Variants in LMNTD1 observed in about 807,000 individuals in gnomAD.
The protein encoded by LMNTD1 is lamin tail domain containing 1, also known as lamin tail domain-containing protein 1.
Under a neutral mutation model 50.9 loss-of-function variants are expected in LMNTD1, and 35 were observed. The observed-to-expected ratio is 0.69, with a 90% CI of 0.53 to 0.91. The LOEUF (loss-of-function observed/expected upper bound fraction) is 0.91, where lower values mean the gene tolerates loss of function less well. LMNTD1 is among the 40% of genes least tolerant of loss of function. The probability of loss-of-function intolerance (pLI) is 0.00; values close to 1 mark genes in which losing one functional copy is unlikely to be tolerated. For synonymous variants in LMNTD1, 153 were observed against 161.9 expected (o/e 0.94, Z 0.42); for missense variants, 470 against 475.5 (o/e 0.99, Z 0.11).
chr12:25,553,009 C>A lies in LMNTD1; in HGVS notation c.-30-20G>T. ...TCTTTCCTAGGAAAGCAGATCATGA[C>A]ATCAGATGACGAATATGGCTGAGGT... On this transcript the variant is annotated intron_variant, in intron 1 of 9. Transcript: ENST00000458174. The A allele has an allele frequency of 6.2e-7, 1 of 1,606,270 alleles. No individual in the cohort carries two copies. Among genetic ancestry groups the A allele is most frequent in the Non-Finnish European group, 8.5e-7 (1 of 1,173,090 alleles).
At chr12:25,493,252 A>G (rs1442793687) in intron 9 of LMNTD1, among the ~76,000 whole-genome samples, 1 of 152,196 alleles carries the variant, frequency 6.6e-6, no homozygotes, top group African/African-American at 2.4e-5. Flanking sequence ...AGATGCTCAA[A>G]AAATATCTGA....
At chr12:25,562,850 T>C (rs951275140) in intron 1 of LMNTD1, among the ~76,000 whole-genome samples, 1 of 152,130 alleles carries the variant, frequency 6.6e-6, no homozygotes, top group Non-Finnish European at 1.5e-5. Flanking sequence ...TACTCTTTTT[T>C]CTCTAAACTT....
At chr12:25,532,782 G>A (rs1591933631) in intron 4 of LMNTD1, among the ~76,000 whole-genome samples, 1 of 152,096 alleles carries the variant, frequency 6.6e-6, no homozygotes, top group South Asian at 2.1e-4. Flanking sequence ...TTTGGATGTA[G>A]CATTTTACTC....
chr12:25,544,911 G>T (rs895831110), intron 4 of LMNTD1, among the ~76,000 whole-genome samples: 5 of 151,626 alleles, frequency 3.3e-5, no homozygotes, highest in Non-Finnish European at 7.4e-5. Flanking sequence ...CTCAATTTAC[G>T]TATTTTTATA....
intron 8 of LMNTD1, among the ~76,000 whole-genome samples, chr12:25,508,738 G>T (rs151116085): frequency 1.3e-5 from 2 of 152,256 alleles, no homozygotes; most frequent in Admixed American, 1.3e-4. Flanking sequence ...ATGTTGAATA[G>T]AAGTCATCAT....
At position 25,481,233 on chromosome 12, in the gene LMNTD1, A is replaced by G. The variant is rs187330621; in HGVS notation, c.*23-4773T>C. On this transcript the variant is annotated intron_variant, in intron 9 of 9. Transcript: ENST00000458174. ...AAACCTCCTTCAGCAGTTCCTTATC[A>G]TCCTTCTCGGTTTATTTTCCAGCAT... Among the ~76,000 whole-genome samples the G allele has an allele frequency of 6.1e-4, 92 of 151,846 alleles. 1 individual carries two copies. Among genetic ancestry groups the G allele is most frequent in the African/African-American group, 2.1e-3 (85 of 41,262 alleles).
chr12:25,565,934 G>A (rs1944539614), intron 1 of LMNTD1, among the ~76,000 whole-genome samples: 1 of 152,164 alleles, frequency 6.6e-6, no homozygotes, highest in Non-Finnish European at 1.5e-5. Flanking sequence ...ATCCTGGCCT[G>A]TAATGTTTCC....
In LMNTD1 at chr12:25,628,107, CAAAAAAAAAAAAAA is replaced by C. The variant is rs58780549; in HGVS notation, c.58+20373_58+20386del. Among the ~76,000 whole-genome samples, 4 of 52,450 alleles carry C rather than the reference CAAAAAAAAAAAAAA, an allele frequency of 7.6e-5. No individual in the cohort carries two copies. In the Admixed American group the frequency reaches 1.0e-3, roughly 13 times the overall value. 34.4% of individuals were successfully genotyped at this position (52,450 alleles called of 152,430 possible). A position where few individuals can be genotyped will look rare whatever the true frequency, so the allele number is the denominator to read the frequency against. The stretch of plus-strand genomic sequence containing the variant: ...TGGGCGACAGAGTGAAACTCCGTCT[CAAAAAAAAAAAAAA>C]AAAAAAAAAAAAAAAAAGGCAAAGG... On this transcript the variant is annotated intron_variant, in intron 1 of 7. Coordinates refer to the LMNTD1 transcript ENST00000445693.
rs1941254260 is a variant in LMNTD1 at position 25,520,698 on chromosome 12, TC to T, written c.799-624del. Reference sequence around the variant, plus strand: ...ATACCTTTCCAAGGTGGTGATTTCATCTTTTTTGGGTATGTACCCAGAAGAG... The same window carrying T: ...ATACCTTTCCAAGGTGGTGATTTCATTTTTTTGGGTATGTACCCAGAAGAG... On this transcript the variant is annotated intron_variant, in intron 6 of 9. Transcript: ENST00000458174. Among the ~76,000 whole-genome samples, 4 of 152,320 alleles carry T rather than the reference TC, an allele frequency of 2.6e-5. No homozygotes were observed. In the East Asian group the frequency reaches 5.8e-4, roughly 22 times the overall value.
intron 1 of LMNTD1, among the ~76,000 whole-genome samples, chr12:25,591,956 C>T (rs1243021022): frequency 6.6e-6 from 1 of 151,666 alleles, no homozygotes; most frequent in Non-Finnish European, 1.5e-5. Flanking sequence ...TAAAGTAGTA[C>T]CTCTATGAGT....
intron 1 of LMNTD1, among the ~76,000 whole-genome samples, chr12:25,614,658 C>T (rs1201288941): frequency 1.3e-5 from 2 of 152,178 alleles, no homozygotes; most frequent in African/African-American, 4.8e-5. Flanking sequence ...TGGCAGATTG[C>T]AGAGTCTAGC....
At chr12:25,577,805 A>T (rs1336680677) in intron 1 of LMNTD1, among the ~76,000 whole-genome samples, 3 of 152,134 alleles carry the variant, frequency 2.0e-5, no homozygotes, top group Admixed American at 6.6e-5. Context: ...ATTCAGTATG[A>T]TATTGCCCAG....
intron 1 of LMNTD1, among the ~76,000 whole-genome samples, chr12:25,602,859 CT>C (rs1946010294): frequency 6.6e-6 from 1 of 152,026 alleles, no homozygotes; most frequent in Admixed American, 6.6e-5. Flanking sequence ...GTTAGTTGCT[CT>C]GGTTTTCTTG....
intron 1 of LMNTD1, among the ~76,000 whole-genome samples, chr12:25,567,726 A>G (rs1944612978): frequency 6.6e-6 from 1 of 151,758 alleles, no homozygotes. Flanking sequence ...TGACATGCTG[A>G]CTCTGCATCA....
At chr12:25,581,637 A>G (rs1421941912) in intron 1 of LMNTD1, among the ~76,000 whole-genome samples, 1 of 152,248 alleles carries the variant, frequency 6.6e-6, no homozygotes, top group Non-Finnish European at 1.5e-5. Context: ...TAGAAAATAT[A>G]CAGTTGTGTG....
rs997174806 is a variant in LMNTD1, at chr12:25,591,551, C to T, written c.59-44997G>A. On this transcript the variant is annotated intron_variant, in intron 1 of 7. Coordinates refer to the LMNTD1 transcript ENST00000445693. ...TTGATTCTAGTCCCTGGCTCCTGGA[C>T]GGCACCCCTGGACATGCCCAGGGCC... is the stretch of plus-strand genomic sequence containing the variant. 1.6e-4 allele frequency among the ~76,000 whole-genome samples: 24 copies of T among 152,268 alleles called. No individual in the cohort carries two copies. The East Asian group carries it at 4.1e-3, about 26-fold the overall frequency.
At chr12:25,489,230 G>T (rs1938789253) in intron 9 of LMNTD1, among the ~76,000 whole-genome samples, 3 of 151,092 alleles carry the variant, frequency 2.0e-5, no homozygotes, top group Non-Finnish European at 4.4e-5. Flanking sequence ...CCCCAGACTC[G>T]CTGCTGCCTT....
At chr12:25,537,417 T>C (rs1470750865) in intron 4 of LMNTD1, among the ~76,000 whole-genome samples, 2 of 152,232 alleles carry the variant, frequency 1.3e-5, no homozygotes, top group Non-Finnish European at 2.9e-5. Context: ...CCCTGACCCC[T>C]GACCCCCAAG....
intron 1 of LMNTD1, among the ~76,000 whole-genome samples, chr12:25,605,959 C>T (rs992606359): frequency 6.6e-5 from 10 of 152,176 alleles, no homozygotes. Flanking sequence ...ATTCTTCTAT[C>T]CATGAGCATG....
Sources: allele counts gnomAD v4.1 joint callset (sites outside exome capture counted in the v4.1 genomes callset), GRCh38; gene constraint gnomAD v4.1.1; transcripts MANE v1.5; gene names NCBI Gene and HGNC (gene_info 2026-07-23, HGNC 2026-07-21).